Variants in RAB33B observed in about 807,000 individuals in gnomAD.
RAB33B encodes RAB33B, member RAS oncogene family, also known as ras-related protein Rab-33B.
A neutral mutation model predicts 15.0 loss-of-function variants in RAB33B; 6 were observed. The ratio of observed to expected loss-of-function variants is 0.40; its 90% CI spans 0.22 to 0.79. RAB33B has a LOEUF of 0.79. Among genes scored for constraint, RAB33B ranks in the 30% least tolerant of loss-of-function variants. The pLI is 0.37. For synonymous variants in RAB33B, 117 were observed against 108.3 expected (o/e 1.08, Z -0.50); for missense variants, 257 against 296.4 (o/e 0.87, Z 0.98).
chr4:139,456,519 G>A (rs1467676921), intron 1 of RAB33B, among the ~76,000 whole-genome samples: 1 of 152,200 alleles, frequency 6.6e-6, no homozygotes, highest in Non-Finnish European at 1.5e-5. Flanking sequence ...TGATAAATAA[G>A]ACAGAACCAC....
chr4:139,444,614 C>T, the RAB33B span, among the ~76,000 whole-genome samples: 1 of 152,134 alleles, frequency 6.6e-6, no homozygotes, highest in Non-Finnish European at 1.5e-5. Flanking sequence ...TCTGAGCTGA[C>T]GTTGATTCTA....
At chr4:139,449,732 G>A (rs1749885342), upstream of RAB33B, 1 of 151,388 alleles carries the variant, frequency 6.6e-6, no homozygotes, top group South Asian at 2.1e-4. Flanking sequence ...GTGATCATGT[G>A]AGTTAATACT....
intron 1 of RAB33B, among the ~76,000 whole-genome samples, chr4:139,464,729 T>C (rs1330409625): frequency 6.6e-6 from 1 of 152,222 alleles, no homozygotes; most frequent in Non-Finnish European, 1.5e-5. Flanking sequence ...CATCCTTTTT[T>C]ATGGCTGCAT....
chr4:139,439,638 T>C, the RAB33B span, among the ~76,000 whole-genome samples: 1 of 152,202 alleles, frequency 6.6e-6, no homozygotes, highest in Admixed American at 6.5e-5. Flanking sequence ...CTCTTCTCCT[T>C]CTGTAGTTAT....
intron 1 of RAB33B, among the ~76,000 whole-genome samples, chr4:139,467,216 G>A (rs1466133810): frequency 6.7e-6 from 1 of 148,264 alleles, no homozygotes; most frequent in African/African-American, 2.5e-5. Context: ...TGATCCACCT[G>A]CTTTGGCCTC....
chr4:139,465,576 A>C (rs1334513591), intron 1 of RAB33B, among the ~76,000 whole-genome samples: 1 of 152,182 alleles, frequency 6.6e-6, no homozygotes, highest in Non-Finnish European at 1.5e-5. Flanking sequence ...ATAAGGTGTA[A>C]GGAAGGGATC....
chr4:139,453,292 G>A (rs1245370676), upstream of RAB33B: 7 of 152,174 alleles, frequency 4.6e-5, no homozygotes, highest in Admixed American at 3.3e-4. Flanking sequence ...AGGATCACGC[G>A]GATATTCTTG....
upstream of RAB33B, chr4:139,450,870 A>G (rs1561000216): frequency 1.3e-5 from 2 of 151,680 alleles, no homozygotes; most frequent in Non-Finnish European, 2.9e-5. Flanking sequence ...TATTTTGTAT[A>G]TAAGATTATC....
the RAB33B span, among the ~76,000 whole-genome samples, chr4:139,442,095 C>T: frequency 6.6e-6 from 1 of 151,976 alleles, no homozygotes; most frequent in African/African-American, 2.4e-5. Flanking sequence ...CTTTAGCTTC[C>T]AATTAGATGA....
chr4:139,450,192 A>G (rs556339685), upstream of RAB33B: 1 of 152,310 alleles, frequency 6.6e-6, no homozygotes, highest in East Asian at 1.9e-4. Flanking sequence ...CAGTGATCCT[A>G]CCTATGAAGA....
In RAB33B at chr4:139,473,402, A is replaced by C; in HGVS notation, c.*276A>C. ...CCAATGAAGGAAGCTTCAAATGAGA[A>C]CATGATGGAATCAGTAACCATTCAA... On this transcript the variant is annotated 3_prime_UTR_variant, in exon 2 of 2. Coordinates refer to ENST00000305626, the MANE Select transcript of RAB33B (RefSeq NM_031296.3). The C allele has an allele frequency of 2.4e-6, 1 of 413,844 alleles. No individual in the cohort carries two copies. The highest frequency in any genetic ancestry group is 4.3e-6 in the Non-Finnish European group (1 of 232,856). The allele number at this position is 413,844 out of a possible 1,614,324, so 25.6% of individuals were successfully genotyped here.
intron 1 of RAB33B, among the ~76,000 whole-genome samples, chr4:139,459,834 A>G (rs528567759): frequency 6.6e-6 from 1 of 151,948 alleles, no homozygotes; most frequent in Admixed American, 6.5e-5. Context: ...GGGTTTCACC[A>G]TGTTGGCCAG....
In RAB33B at chr4:139,465,573, G is replaced by A. The variant is rs191880539; in HGVS notation, c.250-7113G>A. On this transcript the variant is annotated intron_variant, in intron 1 of 1. Coordinates refer to ENST00000305626, the MANE Select transcript of RAB33B (RefSeq NM_031296.3). ...TCTTGAATTAATTTTTGTATAAGGT[G>A]TAAGGAAGGGATCCAGTTTCAGCTT... Among the ~76,000 whole-genome samples the A allele has an allele frequency of 2.5e-3, 375 of 152,248 alleles. 3 individuals are homozygous for A. Among genetic ancestry groups the A allele is most frequent in the African/African-American group, 8.4e-3 (349 of 41,542 alleles).
Position 139,472,757 on chromosome 4 carries a change from A to G in RAB33B, c.321A>G (p.Val107=), listed in dbSNP as rs760281658. The G allele has an allele frequency of 6.2e-7, 1 of 1,613,956 alleles. No homozygotes were observed. The highest frequency in any genetic ancestry group is 8.5e-7 in the Non-Finnish European group (1 of 1,179,790). ...KSMVQHYYRN[V]HAVVFVYDMT... ...TGGTTCAGCACTACTACAGAAATGT[A>G]CATGCTGTTGTCTTCGTGTATGATA... is the stretch of plus-strand genomic sequence containing the variant. Residue 107 remains valine (V), a synonymous_variant, in exon 2 of 2, where the codon GTA becomes GTG. Transcript: ENST00000305626.
chr4:139,443,828 C>T, the RAB33B span, among the ~76,000 whole-genome samples: 50 of 152,200 alleles, frequency 3.3e-4, no homozygotes, highest in Non-Finnish European at 7.3e-5. Context: ...AGCCTTTCTA[C>T]CTTTGTCGGA....
chr4:139,467,898 C>T (rs568715688), intron 1 of RAB33B, among the ~76,000 whole-genome samples: 1 of 149,854 alleles, frequency 6.7e-6, no homozygotes, highest in South Asian at 2.1e-4. Flanking sequence ...TAAAAATATA[C>T]AATTATTGTT....
At position 139,472,852 on chromosome 4, in the gene RAB33B, A is replaced by G. The variant is rs779490913; in HGVS notation, c.416A>G (p.Asn139Ser). Reference protein sequence around the residue: ...IEECKQHLLANDIPRILVGNK... With the variant: ...IEECKQHLLASDIPRILVGNK... ...GAATGCAAACAACATTTGCTAGCCAATGATATACCACGGATTCTTGTTGGA... is the reference window on the plus strand; with the variant it reads ...GAATGCAAACAACATTTGCTAGCCAGTGATATACCACGGATTCTTGTTGGA... Residue 139 changes from asparagine to serine, a missense_variant, in exon 2 of 2, where the codon AAT becomes AGT. Physicochemically the swap from Asn to Ser is conservative, Grantham distance 46. Coordinates refer to ENST00000305626, the MANE Select transcript of RAB33B (RefSeq NM_031296.3). 14 of 1,614,100 alleles carry G rather than the reference A, an allele frequency of 8.7e-6. 1 individual carries two copies. The highest frequency in any genetic ancestry group is 5.5e-5 in the South Asian group (5 of 91,094).
intron 1 of RAB33B, among the ~76,000 whole-genome samples, chr4:139,460,055 G>A: frequency 6.6e-6 from 1 of 152,176 alleles, no homozygotes; most frequent in Non-Finnish European, 1.5e-5. Flanking sequence ...AAATAAAGGG[G>A]TGATAGAAGA....
In RAB33B at chr4:139,454,318, C is replaced by T; in HGVS notation, c.123C>T (p.Asp41=). The T allele has an allele frequency of 6.2e-7, 1 of 1,614,182 alleles. No individual in the cohort carries two copies. The highest frequency in any genetic ancestry group is 1.1e-5 in the South Asian group (1 of 91,088). Residue 41 remains aspartate, a synonymous_variant, in exon 1 of 2, where the codon GAC becomes GAT. Transcript: ENST00000305626. ...TCTTCAAGATAATCGTGATCGGCGA[C>T]TCCAATGTGGGCAAGACATGCCTGA... The part of the protein sequence containing the change: ...SRIFKIIVIG[D]SNVGKTCLTY...
Sources: allele counts gnomAD v4.1 joint callset (sites outside exome capture counted in the v4.1 genomes callset), GRCh38; gene constraint gnomAD v4.1.1; transcripts MANE v1.5; gene names NCBI Gene and HGNC (gene_info 2026-07-23, HGNC 2026-07-21).